The following EPB41L4A variants were observed in gnomAD, a reference collection of about 807,000 sequenced individuals.
EPB41L4A encodes band 4.1-like protein 4A.
Under a neutral mutation model 108.6 loss-of-function variants are expected in EPB41L4A, and 100 were observed. The observed-to-expected ratio is 0.92, with a 90% CI of 0.78 to 1.09. The LOEUF is 1.09. Among genes scored for constraint, EPB41L4A ranks in the 50% least tolerant of loss-of-function variants. The pLI is 0.00. For synonymous variants in EPB41L4A, 319 were observed against 289.0 expected (o/e 1.10, Z -1.05); for missense variants, 1,030 against 842.7 (o/e 1.22, Z -2.75).
chr5:112,208,242 C>G (rs1274065110), intron 13 of EPB41L4A, among the ~76,000 whole-genome samples: 2 of 37,254 alleles, frequency 5.4e-5, no homozygotes, highest in Non-Finnish European at 1.0e-4. Flanking sequence ...GAGACTCCAT[C>G]TCAAAAAAAA....
At chr5:112,188,335 C>T (rs1234879632) in intron 17 of EPB41L4A, among the ~76,000 whole-genome samples, 1 of 152,122 alleles carries the variant, frequency 6.6e-6, no homozygotes, top group Non-Finnish European at 1.5e-5. Context: ...TTGTCTCTAC[C>T]ATCAATAAAT....
intron 1 of EPB41L4A, among the ~76,000 whole-genome samples, chr5:112,323,565 C>G (rs1755949614): frequency 1.3e-5 from 2 of 152,232 alleles, no homozygotes; most frequent in Admixed American, 1.3e-4. Flanking sequence ...AAGTAAATAC[C>G]CTCTACTCAG....
intron 14 of EPB41L4A, 81 bp downstream of exon 14, chr5:112,205,340 G>T: frequency 8.4e-7 from 1 of 1,191,456 alleles, no homozygotes; most frequent in African/African-American, 1.5e-5. Context: ...CCACCCAGCA[G>T]CTGGATTCCT....
chr5:112,243,086 C>T lies in EPB41L4A; in HGVS notation c.796-2276G>A, dbSNP rs749557160. Among the ~76,000 whole-genome samples the T allele has an allele frequency of 5.9e-5, 9 of 151,944 alleles. No individual in the cohort carries two copies. The East Asian group carries it at 7.8e-4, about 13-fold the overall frequency. On this transcript the variant is annotated intron_variant, in intron 9 of 22. Coordinates refer to ENST00000261486, the MANE Select transcript of EPB41L4A (RefSeq NM_022140.5). ...GAAATTAGCTGGGCATGGTGGCAGG[C>T]GCCTGTAATCCCAGCTATTTCGGAG... is the stretch of plus-strand genomic sequence containing the variant.
chr5:112,190,457 A>T (rs1761640588), intron 17 of EPB41L4A, among the ~76,000 whole-genome samples: 1 of 152,178 alleles, frequency 6.6e-6, no homozygotes, highest in Non-Finnish European at 1.5e-5. Context: ...CATGAATCAC[A>T]AGTTAAGAAT....
chr5:112,419,663 C>T (rs536276674), upstream of EPB41L4A: 78 of 456,558 alleles, frequency 1.7e-4, no homozygotes, highest in African/African-American at 1.5e-3. Context: ...GGCGCAGGGG[C>T]AGAGGCGAAG....
intron 1 of EPB41L4A, among the ~76,000 whole-genome samples, chr5:112,393,677 A>G (rs1171179622): frequency 6.6e-6 from 1 of 152,230 alleles, no homozygotes; most frequent in South Asian, 2.1e-4. Flanking sequence ...AGGAGCTGGT[A>G]CCATTCCTTC....
chr5:112,187,325 G>T (rs542338637), intron 17 of EPB41L4A, among the ~76,000 whole-genome samples: 1 of 152,276 alleles, frequency 6.6e-6, no homozygotes, highest in African/African-American at 2.4e-5. Context: ...ACTATGGAGG[G>T]TCAACAACTG....
chr5:112,410,843 C>A (rs1580857313), intron 1 of EPB41L4A, among the ~76,000 whole-genome samples: 2 of 152,242 alleles, frequency 1.3e-5, no homozygotes, highest in Middle Eastern at 3.4e-3. Flanking sequence ...TATTACTATC[C>A]TACATATTGC....
At chr5:112,157,200 T>C (rs1759681359) in intron 12 of EPB41L4A, among the ~76,000 whole-genome samples, 1 of 151,564 alleles carries the variant, frequency 6.6e-6, no homozygotes, top group African/African-American at 2.4e-5. Context: ...TAGATCTGTG[T>C]AGAAAGGATG....
chr5:112,280,465 T>A, intron 2 of EPB41L4A, 142 bp from the exon 3 acceptor site: 3 of 714,856 alleles, frequency 4.2e-6, no homozygotes, highest in Non-Finnish European at 7.3e-6. Context: ...CACACAAACA[T>A]ACATAAGAGT....
chr5:112,370,747 T>A (rs1308303751), intron 1 of EPB41L4A, among the ~76,000 whole-genome samples: 1 of 152,146 alleles, frequency 6.6e-6, no homozygotes, highest in East Asian at 1.9e-4. Context: ...AAACCCTGTC[T>A]CTACTAAAAA....
chr5:112,183,555 C>G (rs542107692), intron 18 of EPB41L4A, among the ~76,000 whole-genome samples: 5 of 152,182 alleles, frequency 3.3e-5, no homozygotes, highest in Admixed American at 3.3e-4. Flanking sequence ...AGGAGGAGCA[C>G]GCAAATTCCA....
At chr5:112,152,971 C>A (rs769996769) in intron 12 of EPB41L4A, among the ~76,000 whole-genome samples, 6 of 152,202 alleles carry the variant, frequency 3.9e-5, no homozygotes, top group Non-Finnish European at 8.8e-5. Flanking sequence ...GTAATCCCAG[C>A]ACTTTGGGAG....
intron 1 of EPB41L4A, among the ~76,000 whole-genome samples, chr5:112,349,797 G>C (rs907083434): frequency 1.3e-5 from 2 of 152,192 alleles, no homozygotes; most frequent in Non-Finnish European, 2.9e-5. Context: ...TGGGAAAACA[G>C]GCAGAGAGGG....
intron 1 of EPB41L4A, among the ~76,000 whole-genome samples, chr5:112,395,603 C>G (rs974617063): frequency 1.3e-5 from 2 of 152,086 alleles, no homozygotes; most frequent in Non-Finnish European, 2.9e-5. Flanking sequence ...ACAACAGGTG[C>G]TGGAGAGGAT....
chr5:112,262,311 T>G (rs1342874284), intron 7 of EPB41L4A, among the ~76,000 whole-genome samples, 183 bp downstream of exon 7: 1 of 152,222 alleles, frequency 6.6e-6, no homozygotes, highest in Non-Finnish European at 1.5e-5. Flanking sequence ...AATCACAGAT[T>G]TTTATGCAAA....
At chr5:112,274,142 T>C (rs1382295715) in intron 4 of EPB41L4A, among the ~76,000 whole-genome samples, 1 of 150,404 alleles carries the variant, frequency 6.6e-6, no homozygotes, top group South Asian at 2.1e-4. Flanking sequence ...TAGCTAGGTG[T>C]AGTGGCACAC....
chr5:112,154,629 G>C (rs1277416150), intron 12 of EPB41L4A, among the ~76,000 whole-genome samples: 1 of 152,064 alleles, frequency 6.6e-6, no homozygotes, highest in Non-Finnish European at 1.5e-5. Context: ...GCAAAAATTG[G>C]AACAACATGG....
Sources: gnomAD v4.1 joint callset for allele counts (sites outside exome capture counted in the v4.1 genomes callset) on GRCh38, gnomAD v4.1.1 for gene constraint, MANE v1.5 for transcripts, NCBI Gene and HGNC (gene_info 2026-07-23, HGNC 2026-07-21) for gene names.